The following ZNF783 variants were observed in gnomAD, a reference collection of about 807,000 sequenced individuals.
ZNF783 encodes the protein zinc finger protein 783.
In ZNF783, 25 loss-of-function variants were observed where a neutral mutation model predicts 31.3. That is an observed-to-expected ratio of 0.80 (90% CI 0.58 to 1.11). ZNF783 has a LOEUF of 1.11. ZNF783 is among the 50% of genes most tolerant of loss of function. ZNF783 has a pLI of 0.00. For missense variants in ZNF783, 797 were observed against 760.0 expected (o/e 1.05, Z -0.57); for synonymous variants, 369 against 319.1 (o/e 1.16, Z -1.66).
chr7:149,276,057 T>C (rs1332752236), intron 4 of ZNF783, among the ~76,000 whole-genome samples: 1 of 152,004 alleles, frequency 6.6e-6, no homozygotes, highest in Non-Finnish European at 1.5e-5. Flanking sequence ...ACCCAGCTCA[T>C]TTTTGTATTT....
chr7:149,274,580 G>A (rs527615985), intron 4 of ZNF783, among the ~76,000 whole-genome samples: 79 of 152,298 alleles, frequency 5.2e-4, no homozygotes, highest in African/African-American at 1.9e-3. Flanking sequence ...TGGTCAGGCT[G>A]GTTTTGAACT....
At chr7:149,274,652 C>T (rs752613872) in intron 4 of ZNF783, among the ~76,000 whole-genome samples, 10 of 152,218 alleles carry the variant, frequency 6.6e-5, no homozygotes, top group African/African-American at 1.7e-4. Context: ...AGGCGTGAGC[C>T]GCCGCACCTG....
At chr7:149,267,903 C>T (rs1654352208) in intron 4 of ZNF783, among the ~76,000 whole-genome samples, 1 of 152,202 alleles carries the variant, frequency 6.6e-6, no homozygotes. Context: ...TCCCCTATTG[C>T]AGTCCCACAA....
intron 4 of ZNF783, among the ~76,000 whole-genome samples, chr7:149,274,131 C>G (rs1258968630): frequency 6.6e-6 from 1 of 152,078 alleles, no homozygotes; most frequent in Non-Finnish European, 1.5e-5. Context: ...GGGTAGTACT[C>G]GAATCTTTGC....
Position 149,281,761 on chromosome 7 carries a change from C to T in ZNF783, c.1059C>T (p.Asp353=). 6.7e-7 allele frequency: 1 copy of T among 1,497,494 alleles called. No homozygotes were observed. Among genetic ancestry groups the T allele is most frequent in the African/African-American group, 1.4e-5 (1 of 70,886 alleles). 92.8% of individuals were successfully genotyped at this position (1,497,494 alleles called of 1,614,324 possible). A position where few individuals can be genotyped will look rare whatever the true frequency, so the allele number is the denominator to read the frequency against. Residue 353 remains aspartate, a synonymous_variant, in exon 6 of 6, where the codon GAC becomes GAT. Coordinates refer to ENST00000434415, the MANE Select transcript of ZNF783 (RefSeq NM_001195220.2). Reference sequence around the variant, plus strand: ...GGCAGCGGGCATTCCCCTGCCCCGACTGCGGGCAGAGCTTCCGCCTGAAGA... The same window carrying T: ...GGCAGCGGGCATTCCCCTGCCCCGATTGCGGGCAGAGCTTCCGCCTGAAGA... The part of the protein sequence containing the change: ...RRRQRAFPCP[D]CGQSFRLKIN...
At chr7:149,264,035 C>T (rs972872043) in intron 1 of ZNF783, among the ~76,000 whole-genome samples, 3 of 152,186 alleles carry the variant, frequency 2.0e-5, no homozygotes, top group Non-Finnish European at 4.4e-5. Context: ...TCCACCTGCT[C>T]CTCCCTTCTT....
chr7:149,272,837 A>G (rs908481866), intron 4 of ZNF783, among the ~76,000 whole-genome samples: 5 of 152,094 alleles, frequency 3.3e-5, no homozygotes, highest in African/African-American at 2.4e-5. Context: ...GATCTTATTC[A>G]TTCTATTTAA....
chr7:149,269,507 AG>A (rs1797162259), intron 4 of ZNF783, among the ~76,000 whole-genome samples: 6 of 152,182 alleles, frequency 3.9e-5, no homozygotes, highest in Admixed American at 3.3e-4. Context: ...GGCAATATCG[AG>A]GAGGGTATTT....
rs769790352 is a variant in ZNF783, at chr7:149,281,765, G to T, written c.1063G>T (p.Gly355Trp). The change falls in exon 6 of 6, where the codon GGG becomes TGG. Residue 355 changes from glycine (G) to tryptophan (W), a missense_variant. Transcript: ENST00000434415. The stretch of plus-strand genomic sequence containing the variant: ...GCGGGCATTCCCCTGCCCCGACTGC[G>T]GGCAGAGCTTCCGCCTGAAGATCAA... The part of the protein sequence containing the change: ...RQRAFPCPDC[G>W]QSFRLKINLT... 3.8e-5 allele frequency: 57 copies of T among 1,499,724 alleles called. No homozygotes were observed. Among genetic ancestry groups the T allele is most frequent in the Admixed American group, 6.9e-5 (3 of 43,688 alleles). The allele number at this position is 1,499,724 out of a possible 1,614,324, so 92.9% of individuals were successfully genotyped here. A position where few individuals can be genotyped will look rare whatever the true frequency, so the allele number is the denominator to read the frequency against.
chr7:149,276,649 T>A, intron 4 of ZNF783: 17 of 687,494 alleles, frequency 2.5e-5, no homozygotes, highest in Non-Finnish European at 3.0e-5. Context: ...CCACTTGGGT[T>A]ACTTTTTATT....
At chr7:149,281,365 G>A (rs1797459955) in intron 5 of ZNF783, 140 bp from the exon 6 acceptor site, 2 of 611,386 alleles carry the variant, frequency 3.3e-6, no homozygotes, top group South Asian at 9.8e-5. Context: ...AGGGCTCAGT[G>A]AGCAGGACCC....
chr7:149,263,275 T>TAC (rs1466592954), intron 1 of ZNF783, among the ~76,000 whole-genome samples: 2 of 60,850 alleles, frequency 3.3e-5, no homozygotes, highest in Non-Finnish European at 7.0e-5. Flanking sequence ...CGTGTGTGTG[T>TAC]GTGTGTGTGT....
At chr7:149,276,422 T>C in intron 4 of ZNF783, 1 of 986,570 alleles carries the variant, frequency 1.0e-6, no homozygotes, top group African/African-American at 1.7e-5. Context: ...GAAGCAACCG[T>C]CTTTAGGCTT....
chr7:149,280,947 T>G (rs765344715), intron 5 of ZNF783, among the ~76,000 whole-genome samples: 1 of 152,196 alleles, frequency 6.6e-6, no homozygotes, highest in Non-Finnish European at 1.5e-5. Flanking sequence ...TCCCAGTGCC[T>G]CCTCTCTGTC....
In ZNF783 at chr7:149,279,628, CTTTG is replaced by C. The variant is rs1333970711; in HGVS notation, c.802+1105_802+1108del. Among the ~76,000 whole-genome samples the C allele has an allele frequency of 3.3e-4, 34 of 102,486 alleles. No individual in the cohort carries two copies. The South Asian group carries it at 3.9e-3, about 12-fold the overall frequency. 67.2% of individuals were successfully genotyped at this position (102,486 alleles called of 152,430 possible). ...CCGCCAGCTAGCACCAGCATTTTAT[CTTTG>C]TTTTTTTTTTTTTTTTTTTTTTAAT... On this transcript the variant is annotated intron_variant, in intron 5 of 5. Transcript: ENST00000434415.
intron 5 of ZNF783, among the ~76,000 whole-genome samples, chr7:149,279,826 A>T (rs572614987): frequency 5.1e-4 from 78 of 151,848 alleles, no homozygotes; most frequent in Admixed American, 2.2e-3. Flanking sequence ...AGAAGAATTT[A>T]TCTTAGTACA....
Position 149,282,169 on chromosome 7 carries a change from C to G in ZNF783, c.1467C>G (p.Thr489=). The part of the protein sequence containing the change: ...SDLFRHQRIH[T]GERPYQCPQC... ...TCTTCCGGCACCAGCGCATCCACAC[C>G]GGTGAGCGGCCCTACCAGTGCCCCC... The change falls in exon 6 of 6, where the codon ACC becomes ACG. Residue 489 remains threonine (T), a synonymous_variant. Transcript: ENST00000434415. The G allele has an allele frequency of 6.2e-7, 1 of 1,601,044 alleles. No homozygotes were observed. The highest frequency in any genetic ancestry group is 8.5e-7 in the Non-Finnish European group (1 of 1,179,560).
In ZNF783 at chr7:149,282,238, C is replaced by T. The variant is rs2129525257; in HGVS notation, c.1536C>T (p.His512=). 1.9e-6 allele frequency: 3 copies of T among 1,597,874 alleles called. No homozygotes were observed. Among genetic ancestry groups the T allele is most frequent in the Non-Finnish European group, 2.5e-6 (3 of 1,179,456 alleles). Residue 512 remains histidine (H), a synonymous_variant, in exon 6 of 6, where the codon CAC becomes CAT. Transcript: ENST00000434415. Reference sequence around the variant, plus strand: ...ACCGCAACCACCACCTGGCCGTGCACATGCAGACCCACGCCCGAGGCCAGG... The same window carrying T: ...ACCGCAACCACCACCTGGCCGTGCATATGCAGACCCACGCCCGAGGCCAGG... ...TFNRNHHLAV[H]MQTHARGQVG... is the part of the protein sequence containing the mutation.
In ZNF783 at chr7:149,282,651, G is replaced by A; in HGVS notation, c.*308G>A. ...GAGATCATGGCCCTTCCAGTATGGG[G>A]GCGATAGAGACATCGGGGACCTGGG... On this transcript the variant is annotated 3_prime_UTR_variant, in exon 6 of 6. Coordinates refer to ENST00000434415, the MANE Select transcript of ZNF783 (RefSeq NM_001195220.2). 3.1e-6 allele frequency: 1 copy of A among 325,058 alleles called. No homozygotes were observed. 20.1% of individuals were successfully genotyped at this position (325,058 alleles called of 1,614,324 possible).
Sources: allele counts gnomAD v4.1 joint callset (sites outside exome capture counted in the v4.1 genomes callset), GRCh38; gene constraint gnomAD v4.1.1; transcripts MANE v1.5; gene names NCBI Gene and HGNC (gene_info 2026-07-23, HGNC 2026-07-21).